Variants in MAP4 observed in about 807,000 individuals in gnomAD.
MAP4 encodes the protein microtubule-associated protein 4.
In MAP4, 76 loss-of-function variants were observed where a neutral mutation model predicts 170.2. That is an observed-to-expected ratio of 0.45 (90% CI 0.37 to 0.54). MAP4 has a LOEUF of 0.54. MAP4 is among the 20% of genes least tolerant of loss of function. The probability of loss-of-function intolerance (pLI) is 0.00; values close to 1 mark genes in which losing one functional copy is unlikely to be tolerated. For missense variants in MAP4, 2,506 were observed against 2,748.0 expected, an observed-to-expected ratio of 0.91 and a Z score of 1.97; for synonymous variants, 909 against 994.5, an observed-to-expected ratio of 0.91 and a Z score of 1.62.
At chr3:47,893,609 A>G (rs1353209726) in intron 10 of MAP4, among the ~76,000 whole-genome samples, 2 of 152,216 alleles carry the variant, frequency 1.3e-5, no homozygotes, top group East Asian at 3.8e-4. Flanking sequence ...AAATTACACT[A>G]TAAGGACAGG....
Position 47,916,019 on chromosome 3 carries a change from T to C in MAP4, c.1808A>G (p.Glu603Gly), listed in dbSNP as rs1467649385. 6.2e-7 allele frequency: 1 copy of C among 1,614,230 alleles called. No homozygotes were observed. The highest frequency in any genetic ancestry group is 8.5e-7 in the Non-Finnish European group (1 of 1,180,010). Residue 603 changes from glutamate to glycine, a missense_variant, in exon 7 of 21, where the codon GAG becomes GGG. Around this residue, in one of 3 missense-constraint regions of MAP4, gnomAD observed 2,008 missense variants for 2,206.0 expected, o/e 0.91. Transcript: ENST00000683076. ...CTGCAGAGATTCTAAATGGGAATCC[T>C]CACTTATTCCTTTTTGTGTTTGTGC... Reference protein sequence around the residue: ...EIAQTQKGISEDSHLESLQDV... With the variant: ...EIAQTQKGISGDSHLESLQDV...
chr3:47,923,965 G>C (rs896861343), intron 4 of MAP4, among the ~76,000 whole-genome samples: 1 of 152,078 alleles, frequency 6.6e-6, no homozygotes, highest in African/African-American at 2.4e-5. Flanking sequence ...TCCCCCTTGA[G>C]GGAAAAAAGG....
intron 3 of MAP4, among the ~76,000 whole-genome samples, chr3:47,952,427 C>T (rs1189499924): frequency 2.0e-5 from 3 of 151,900 alleles, no homozygotes; most frequent in Non-Finnish European, 4.4e-5. Flanking sequence ...ATGACAATGG[C>T]GGTTTTGTGG....
chr3:48,056,423 C>G (rs1185206882), intron 1 of MAP4, among the ~76,000 whole-genome samples: 2 of 86,692 alleles, frequency 2.3e-5, no homozygotes, highest in African/African-American at 1.0e-4. Context: ...CCAGCCGCCC[C>G]GTCCGGGAGG....
At chr3:47,885,730 CTTTTTTT>C (rs1163508790) in intron 10 of MAP4, among the ~76,000 whole-genome samples, 1 of 138,494 alleles carries the variant, frequency 7.2e-6, no homozygotes, top group Admixed American at 7.3e-5. Context: ...CGCCTTTGTT[CTTTTTTT>C]TTTTTTTTTG....
chr3:48,052,242 G>T (rs916882746), intron 1 of MAP4, among the ~76,000 whole-genome samples: 3 of 152,144 alleles, frequency 2.0e-5, no homozygotes, highest in Non-Finnish European at 4.4e-5. Context: ...TGTTTTTTGA[G>T]ACAGAGTCTC....
chr3:47,853,198 TCCCTTTGGTCACCACCCCCTGAC>T lies in MAP4; in HGVS notation c.6828_6850del (p.Ser2277GlyfsTer18). ...GATCTGGCTGTCCAAGGTCTGGGCC[TCCCTTTGGTCACCACCCCCTGAC>T]AGGGTGGGGTGGCCATTGAGGCCAC... On this transcript the variant is annotated frameshift_variant, in exon 20 of 21. Coordinates refer to ENST00000683076, the MANE Select transcript of MAP4 (RefSeq NM_001385682.1). LOFTEE classifies it high-confidence loss of function. The T allele has an allele frequency of 6.3e-7, 1 of 1,580,358 alleles. No individual in the cohort carries two copies. Among genetic ancestry groups the T allele is most frequent in the Non-Finnish European group, 8.6e-7 (1 of 1,161,904 alleles).
At chr3:47,930,227 T>C (rs959737917) in intron 3 of MAP4, among the ~76,000 whole-genome samples, 9 of 148,678 alleles carry the variant, frequency 6.1e-5, no homozygotes, top group South Asian at 4.3e-4. Flanking sequence ...GGGTGGATCA[T>C]GAGGTCAGGA....
At chr3:47,857,568 A>AC in intron 17 of MAP4, 56 bp from the exon 18 acceptor site, 1 of 1,133,586 alleles carries the variant, frequency 8.8e-7, no homozygotes, top group Non-Finnish European at 1.3e-6. Context: ...GTCAGAGCCA[A>AC]CCCCATGCTA....
Position 47,875,677 on chromosome 3 carries a change from C to G in MAP4, c.5757+8G>C. ...TTTCCTCGGCACAGTAGTTAGGTGA[C>G]CACTTACCTTTGGCTTCACGTCTTT... On this transcript the variant is annotated splice_region_variant and intron_variant, in intron 12 of 20. Coordinates refer to ENST00000683076, the MANE Select transcript of MAP4 (RefSeq NM_001385682.1). 1 of 1,610,796 alleles carries G rather than the reference C, an allele frequency of 6.2e-7. No homozygotes were observed. Among genetic ancestry groups the G allele is most frequent in the Non-Finnish European group, 8.5e-7 (1 of 1,179,210 alleles).
At chr3:47,963,800 A>C (rs1395914205) in intron 3 of MAP4, among the ~76,000 whole-genome samples, 3 of 152,250 alleles carry the variant, frequency 2.0e-5, no homozygotes, top group Admixed American at 6.5e-5. Context: ...TAAGTAAACT[A>C]TACAAATTAT....
chr3:47,929,309 T>C (rs1040674242), intron 3 of MAP4, among the ~76,000 whole-genome samples: 1 of 151,968 alleles, frequency 6.6e-6, no homozygotes, highest in Non-Finnish European at 1.5e-5. Flanking sequence ...TGAGCCAAGA[T>C]TGCGCCACTG....
At chr3:47,890,352 C>G (rs1366905299) in intron 10 of MAP4, among the ~76,000 whole-genome samples, 3 of 152,152 alleles carry the variant, frequency 2.0e-5, no homozygotes, top group Non-Finnish European at 4.4e-5. Context: ...TCTTCTTTTT[C>G]TCCCCACAAA....
At chr3:47,888,461 A>G (rs1460677241) in intron 10 of MAP4, among the ~76,000 whole-genome samples, 1 of 152,034 alleles carries the variant, frequency 6.6e-6, no homozygotes, top group East Asian at 1.9e-4. Context: ...AGGAACGAAC[A>G]ACTCCAGACG....
intron 10 of MAP4, among the ~76,000 whole-genome samples, chr3:47,902,626 A>C (rs904967626): frequency 1.5e-5 from 2 of 129,360 alleles, no homozygotes; most frequent in African/African-American, 5.7e-5. Flanking sequence ...GTGAGCCGAG[A>C]TTGTGCCACT....
At chr3:48,038,627 A>AT (rs1201850425) in intron 1 of MAP4, among the ~76,000 whole-genome samples, 4 of 151,980 alleles carry the variant, frequency 2.6e-5, no homozygotes, top group African/African-American at 4.8e-5. Flanking sequence ...CGCCCAGCTA[A>AT]TTTTTTGTAT....
rs367833202 is a variant in MAP4 at position 48,013,836 on chromosome 3, A to G, written c.-20+2498T>C. The stretch of plus-strand genomic sequence containing the variant: ...TCCACCCAGTTCTGGCTAACATCAA[A>G]GGAGACTCAACACCACTCTGCCAGA... On this transcript the variant is annotated intron_variant, in intron 1 of 20. Transcript: ENST00000683076. Among the ~76,000 whole-genome samples, 7 of 152,250 alleles carry G rather than the reference A, an allele frequency of 4.6e-5. No homozygotes were observed. The East Asian group carries it at 7.7e-4, about 17-fold the overall frequency.
At chr3:47,933,515 G>A (rs911499395) in intron 3 of MAP4, among the ~76,000 whole-genome samples, 10 of 151,672 alleles carry the variant, frequency 6.6e-5, no homozygotes, top group Admixed American at 2.0e-4. Context: ...ATAGCTCACT[G>A]CAGCCTCGAC....
chr3:47,943,345 C>CCAGA (rs2100057700), intron 3 of MAP4, among the ~76,000 whole-genome samples: 1 of 152,166 alleles, frequency 6.6e-6, no homozygotes, highest in East Asian at 1.9e-4. Flanking sequence ...GATGCGGTGG[C>CCAGA]TCATGCCTGT....
Sources: gnomAD v4.1 joint callset for allele counts (sites outside exome capture counted in the v4.1 genomes callset) on GRCh38, gnomAD v4.1.1 for gene constraint, gnomAD v4.1.1 regional missense constraint, MANE v1.5 for transcripts, NCBI Gene and HGNC (gene_info 2026-07-23, HGNC 2026-07-21) for gene names.